Variants in SIPA1L1 observed in about 807,000 individuals in gnomAD.
SIPA1L1 encodes the protein signal-induced proliferation-associated 1-like protein 1.
SIPA1L1 carries 26 observed loss-of-function variants against 162.7 expected under a neutral mutation model. The ratio of observed to expected loss-of-function variants is 0.16; its 90% CI spans 0.12 to 0.22. SIPA1L1 has a LOEUF of 0.22. SIPA1L1 is among the 10% of genes least tolerant of loss of function. The pLI, the probability that SIPA1L1 is intolerant of heterozygous loss-of-function variation, is 1.00. For synonymous variants in SIPA1L1, 829 were observed against 837.4 expected, an observed-to-expected ratio of 0.99 and a Z score of 0.17; for missense variants, 1,874 against 2,241.0, an observed-to-expected ratio of 0.84 and a Z score of 3.31.
chr14:71,387,115 G>A (rs2040385547), intron 2 of SIPA1L1, among the ~76,000 whole-genome samples: 1 of 151,970 alleles, frequency 6.6e-6, no homozygotes, highest in Non-Finnish European at 1.5e-5. Context: ...GGGCATGGTG[G>A]CGCATGCCTG....
Position 71,723,697 on chromosome 14 carries a change from G to C in SIPA1L1, c.4259G>C (p.Arg1420Pro), listed in dbSNP as rs201624200. The C allele has an allele frequency of 6.2e-7, 1 of 1,614,036 alleles. No homozygotes were observed. The highest frequency in any genetic ancestry group is 1.1e-5 in the South Asian group (1 of 91,084). The change falls in exon 18 of 24, where the codon CGG becomes CCG. Residue 1420 changes from arginine to proline, a missense_variant. Transcript: ENST00000381232. ...AGCCCAGTGGTTTTCACCAGTGCCCGGAGTTCACCTAAAGAAGAGCTTCAT... is the reference window on the plus strand; with the variant it reads ...AGCCCAGTGGTTTTCACCAGTGCCCCGAGTTCACCTAAAGAAGAGCTTCAT... ...SASPVVFTSA[R>P]SSPKEELHPA...
At position 71,698,995 on chromosome 14, in the gene SIPA1L1, C is replaced by G; in HGVS notation, c.3389C>G (p.Ser1130Trp). Residue 1130 changes from serine (S) to tryptophan (W), a missense_variant, in exon 14 of 24, where the codon TCG becomes TGG. By Grantham distance (177) the Ser-to-Trp change is radical. Coordinates refer to ENST00000381232, the MANE Select transcript of SIPA1L1 (RefSeq NM_001386936.1). Reference sequence around the variant, plus strand: ...TGCACATGCAGGCTGTCTCCTGGTTCGGACATCTATGTGACGGTCTCATCC... The same window carrying G: ...TGCACATGCAGGCTGTCTCCTGGTTGGGACATCTATGTGACGGTCTCATCC... Reference protein sequence around the residue: ...RPLERRLSPGSDIYVTVSSMA... With the variant: ...RPLERRLSPGWDIYVTVSSMA... The G allele has an allele frequency of 6.2e-7, 1 of 1,614,156 alleles. No homozygotes were observed. Among genetic ancestry groups the G allele is most frequent in the Non-Finnish European group, 8.5e-7 (1 of 1,180,014 alleles).
intron 19 of SIPA1L1, among the ~76,000 whole-genome samples, chr14:71,726,997 CTG>C (rs1356989888): frequency 6.6e-6 from 1 of 152,138 alleles, no homozygotes. Context: ...ATTGATTTTC[CTG>C]GATAGCCAGT....
At chr14:71,457,350 A>T (rs1273851302) in intron 2 of SIPA1L1, among the ~76,000 whole-genome samples, 1 of 149,154 alleles carries the variant, frequency 6.7e-6, no homozygotes, top group Non-Finnish European at 1.5e-5. Flanking sequence ...CCCAGGCTGG[A>T]GTGCAGTGGC....
At position 71,363,769 on chromosome 14, in the gene SIPA1L1, A is replaced by G. The variant is rs527968669; in HGVS notation, c.-465+42588A>G. ...ACCAGTTAACAGAAATTAGTTTGCA[A>G]AACTTGAATGCACCAGCAAAGTGTC... On this transcript the variant is annotated intron_variant, in intron 2 of 23. Transcript: ENST00000381232. 1.0e-3 allele frequency among the ~76,000 whole-genome samples: 156 copies of G among 152,352 alleles called. 1 individual carries two copies. The highest frequency in any genetic ancestry group is 3.6e-3 in the African/African-American group (149 of 41,574).
chr14:71,541,788 A>G (rs2054406991), intron 4 of SIPA1L1, among the ~76,000 whole-genome samples: 1 of 152,160 alleles, frequency 6.6e-6, no homozygotes, highest in Admixed American at 6.6e-5. Context: ...ACAGCAACAG[A>G]AACATTAAGG....
intron 4 of SIPA1L1, among the ~76,000 whole-genome samples, chr14:71,549,917 T>A (rs909331197): frequency 6.6e-6 from 1 of 152,178 alleles, no homozygotes; most frequent in Admixed American, 6.5e-5. Context: ...ATGAGGCCAA[T>A]CATTTGGCTG....
intron 2 of SIPA1L1, chr14:71,418,156 A>T (rs1466069755): frequency 1.3e-5 from 2 of 152,218 alleles, no homozygotes; most frequent in African/African-American, 4.8e-5. Context: ...TGCCCATGCC[A>T]AATAGTTACC....
At chr14:71,620,967 A>C (rs1218730395) in intron 6 of SIPA1L1, among the ~76,000 whole-genome samples, 1 of 152,136 alleles carries the variant, frequency 6.6e-6, no homozygotes, top group African/African-American at 2.4e-5. Context: ...GTTCAAATTA[A>C]TGTTCACTTT....
chr14:71,658,305 C>A (rs2043233647), intron 8 of SIPA1L1, 28 bp from the exon 9 acceptor site: 1 of 1,080,252 alleles, frequency 9.3e-7, no homozygotes, highest in African/African-American at 1.6e-5. Context: ...TTATAGTCAT[C>A]TCATCATTAT....
At chr14:71,725,458 C>T (rs1038184635) in intron 19 of SIPA1L1, among the ~76,000 whole-genome samples, 10 of 152,340 alleles carry the variant, frequency 6.6e-5, no homozygotes, top group Admixed American at 2.0e-4. Flanking sequence ...CTATTTTATG[C>T]TCAGAATTCC....
At chr14:71,643,140 G>A (rs184140610) in intron 7 of SIPA1L1, among the ~76,000 whole-genome samples, 30 of 152,166 alleles carry the variant, frequency 2.0e-4, no homozygotes, top group Non-Finnish European at 2.9e-4. Context: ...AACTCAATGA[G>A]CCCTAAGAAT....
intron 2 of SIPA1L1, among the ~76,000 whole-genome samples, chr14:71,490,121 G>T (rs567975245): frequency 6.6e-6 from 1 of 152,254 alleles, no homozygotes; most frequent in East Asian, 1.9e-4. Flanking sequence ...TATTGAGCTT[G>T]CATAGATATA....
At chr14:71,729,992 A>G in intron 19 of SIPA1L1, 63 bp from the exon 20 acceptor site, 4 of 1,568,488 alleles carry the variant, frequency 2.6e-6, no homozygotes, top group Non-Finnish European at 3.5e-6. Context: ...CCCTCCCCCA[A>G]CCTTGGTCTC....
At chr14:71,600,307 G>T (rs1288433565) in intron 5 of SIPA1L1, among the ~76,000 whole-genome samples, 1 of 152,158 alleles carries the variant, frequency 6.6e-6, no homozygotes, top group Non-Finnish European at 1.5e-5. Context: ...CGAGAGACAG[G>T]ATTGTAGAAT....
intron 16 of SIPA1L1, among the ~76,000 whole-genome samples, chr14:71,708,323 T>C (rs1428761293): frequency 7.1e-6 from 1 of 141,264 alleles, no homozygotes; most frequent in African/African-American, 2.6e-5. Context: ...TCTTTCTTTC[T>C]TTTTTTTTTT....
chr14:71,541,175 CCTT>C (rs1475623569), intron 4 of SIPA1L1, among the ~76,000 whole-genome samples: 3 of 151,914 alleles, frequency 2.0e-5, no homozygotes, highest in Non-Finnish European at 4.4e-5. Flanking sequence ...TTTTCTCTCT[CCTT>C]CTGGTGAGAA....
chr14:71,367,530 G>A (rs1228039787), intron 2 of SIPA1L1, among the ~76,000 whole-genome samples: 1 of 150,468 alleles, frequency 6.6e-6, no homozygotes. Context: ...GGATGGTCTC[G>A]ATCTCCTGAC....
intron 2 of SIPA1L1, among the ~76,000 whole-genome samples, chr14:71,468,929 C>T (rs1354841076): frequency 6.6e-6 from 1 of 152,130 alleles, no homozygotes; most frequent in Admixed American, 6.5e-5. Context: ...GAGTTCTAAG[C>T]CCTGGTTAAC....
Sources: allele counts gnomAD v4.1 joint callset (sites outside exome capture counted in the v4.1 genomes callset), GRCh38; gene constraint gnomAD v4.1.1; transcripts MANE v1.5; gene names NCBI Gene and HGNC (gene_info 2026-07-23, HGNC 2026-07-21).